ATP11B: variants seen among roughly 807,000 people sequenced by gnomAD.
ATP11B encodes the protein phospholipid-transporting ATPase IF.
In ATP11B, 81 loss-of-function variants were observed where a neutral mutation model predicts 157.8. The ratio of observed to expected loss-of-function variants is 0.51; its 90% CI spans 0.43 to 0.62. The LOEUF is 0.62. Among genes scored for constraint, ATP11B ranks in the 20% least tolerant of loss-of-function variants. The probability of loss-of-function intolerance (pLI) is 0.00; values close to 1 mark genes in which losing one functional copy is unlikely to be tolerated. For synonymous variants in ATP11B, 451 were observed against 469.4 expected (o/e 0.96, Z 0.51); for missense variants, 1,165 against 1,402.2 (o/e 0.83, Z 2.70).
chr3:182,794,671 G>C (rs1405632892), intron 1 of ATP11B, among the ~76,000 whole-genome samples: 3 of 152,182 alleles, frequency 2.0e-5, no homozygotes, highest in Non-Finnish European at 4.4e-5. Flanking sequence ...TTAATTCAGA[G>C]AGAAAAATCT....
chr3:182,919,561 A>G lies in ATP11B; in HGVS notation c.*1457A>G, dbSNP rs1158802473. The G allele has an allele frequency of 1.3e-5, 2 of 152,408 alleles. No homozygotes were observed. The highest frequency in any genetic ancestry group is 6.5e-5 in the Admixed American group (1 of 15,278). 9.4% of individuals were successfully genotyped at this position (152,408 alleles called of 1,614,324 possible). ...CTCTAAGCAAATAATGATTGTATACATATTAAGATAATGGTTAAATGCGGT... is the reference window on the plus strand; with the variant it reads ...CTCTAAGCAAATAATGATTGTATACGTATTAAGATAATGGTTAAATGCGGT... On this transcript the variant is annotated 3_prime_UTR_variant, in exon 30 of 30. Transcript: ENST00000323116.
chr3:182,854,372 A>G (rs1720212589), intron 10 of ATP11B, among the ~76,000 whole-genome samples: 1 of 152,154 alleles, frequency 6.6e-6, no homozygotes, highest in Non-Finnish European at 1.5e-5. Context: ...TGGGAGGCTG[A>G]GGCAGGAGAA....
rs775305358 is a variant in ATP11B, at chr3:182,872,537, GGTAA to G, written c.2048+4_2048+7del. 4.4e-6 allele frequency: 7 copies of G among 1,592,300 alleles called. No homozygotes were observed. In the Admixed American group the frequency reaches 7.4e-5, roughly 17 times the overall value. ...CTTGGAGCCACAGCAGTAGAAGACA[GGTAA>G]GTATCAGATAATTAAAAAATATTAC... On this transcript the variant is annotated splice_donor_variant and splice_donor_region_variant and intron_variant, in intron 18 of 29. Transcript: ENST00000323116. LOFTEE classifies it high-confidence loss of function.
intron 8 of ATP11B, among the ~76,000 whole-genome samples, chr3:182,845,006 A>AT (rs375605298): frequency 7.9e-6 from 1 of 125,842 alleles, no homozygotes; most frequent in Non-Finnish European, 1.6e-5. Context: ...TTTTTTTTTT[A>AT]TTTTTTTTTA....
intron 12 of ATP11B, among the ~76,000 whole-genome samples, chr3:182,862,279 T>TAA (rs1157886585): frequency 4.4e-5 from 6 of 136,556 alleles, no homozygotes; most frequent in African/African-American, 8.1e-5. Context: ...AAACCCTGTC[T>TAA]AAAAAAAAAA....
At chr3:182,878,532 A>G (rs1203701779) in intron 19 of ATP11B, among the ~76,000 whole-genome samples, 1 of 152,254 alleles carries the variant, frequency 6.6e-6, no homozygotes, top group Non-Finnish European at 1.5e-5. Flanking sequence ...GTTTAATAAA[A>G]TAGTGTGCTT....
At chr3:182,853,088 G>A (rs1456905289) in intron 10 of ATP11B, among the ~76,000 whole-genome samples, 2 of 152,164 alleles carry the variant, frequency 1.3e-5, no homozygotes, top group Non-Finnish European at 2.9e-5. Context: ...TAGAAAGCAC[G>A]AAGTAAAATT....
chr3:182,869,242 T>G lies in ATP11B; in HGVS notation c.1777T>G (p.Phe593Val). The change falls in exon 17 of 30, where the codon TTT (phenylalanine) becomes GTT (valine). Residue 593 changes from phenylalanine to valine, a missense_variant. By Grantham distance (50) the Phe-to-Val change is conservative. This residue lies in a region of ATP11B where 737 missense variants were observed against 930.5 expected (regional missense o/e 0.79). Transcript: ENST00000323116. ...VQAPSGEKLL[F>V]AKGAESSILP... ...TTTGTCTCTAGGTGAGAAGTTATTA[T>G]TTGCTAAAGGAGCTGAGTCATCAAT... is the stretch of plus-strand genomic sequence containing the variant. 6.2e-7 allele frequency: 1 copy of G among 1,609,206 alleles called. No individual in the cohort carries two copies. The highest frequency in any genetic ancestry group is 1.7e-5 in the Admixed American group (1 of 59,592).
chr3:182,832,994 C>A (rs564262358), intron 4 of ATP11B, among the ~76,000 whole-genome samples: 2 of 151,732 alleles, frequency 1.3e-5, no homozygotes, highest in Non-Finnish European at 2.9e-5. Context: ...GGTCATATTT[C>A]AAATCAGTAG....
At chr3:182,864,542 TTTA>T (rs1721085295) in intron 12 of ATP11B, among the ~76,000 whole-genome samples, 1 of 152,168 alleles carries the variant, frequency 6.6e-6, no homozygotes, top group Non-Finnish European at 1.5e-5. Flanking sequence ...CAGGTACCAT[TTTA>T]TTAATATGAT....
rs572669485 is a variant in ATP11B at position 182,883,200 on chromosome 3, G to A, written c.2510-1553G>A. Among the ~76,000 whole-genome samples, 23 of 151,950 alleles carry A rather than the reference G, an allele frequency of 1.5e-4. No homozygotes were observed. The East Asian group carries it at 4.1e-3, about 27-fold the overall frequency. On this transcript the variant is annotated intron_variant, in intron 21 of 29. Transcript: ENST00000323116. Reference sequence around the variant, plus strand: ...ATGTTGATAAAGATGTACATTACAAGTATACATTTGAAGCAGTGTCCATAA... The same window carrying A: ...ATGTTGATAAAGATGTACATTACAAATATACATTTGAAGCAGTGTCCATAA...
intron 22 of ATP11B, 38 bp from the exon 23 acceptor site, chr3:182,885,913 A>C (rs1722766904): frequency 7.2e-7 from 1 of 1,381,448 alleles, no homozygotes; most frequent in East Asian, 2.7e-5. Context: ...TTGAAACCTA[A>C]ATATTTTAAT....
intron 19 of ATP11B, among the ~76,000 whole-genome samples, chr3:182,874,821 G>A (rs1236027187): frequency 1.3e-5 from 2 of 152,018 alleles, no homozygotes; most frequent in Non-Finnish European, 2.9e-5. Flanking sequence ...TATACTCAAT[G>A]ATTACTACAT....
At chr3:182,799,319 C>T (rs1457970391) in intron 1 of ATP11B, among the ~76,000 whole-genome samples, 2 of 151,496 alleles carry the variant, frequency 1.3e-5, no homozygotes, top group Non-Finnish European at 2.9e-5. Context: ...CGCTCTTTCG[C>T]CCAGGCGGAG....
At chr3:182,807,041 TAA>T (rs34585140) in intron 1 of ATP11B, among the ~76,000 whole-genome samples, 26 of 150,074 alleles carry the variant, frequency 1.7e-4, no homozygotes, top group South Asian at 2.1e-4. Context: ...AGTATTAATT[TAA>T]AAAAAAAAAA....
At chr3:182,895,153 C>G (rs202168817) in intron 25 of ATP11B, among the ~76,000 whole-genome samples, 1 of 149,254 alleles carries the variant, frequency 6.7e-6, no homozygotes, top group South Asian at 2.1e-4. Flanking sequence ...TATCTGTGTC[C>G]ATACCCATGA....
chr3:182,915,505 C>G (rs1386867324), intron 29 of ATP11B: 2 of 984,136 alleles, frequency 2.0e-6, no homozygotes, highest in African/African-American at 1.7e-5. Flanking sequence ...CTTCATTGCA[C>G]AGAATCAAGA....
intron 25 of ATP11B, among the ~76,000 whole-genome samples, chr3:182,892,203 G>A (rs530615591): frequency 4.1e-4 from 62 of 152,174 alleles, no homozygotes; most frequent in African/African-American, 1.4e-3. Flanking sequence ...CTTTCCCCAA[G>A]ATTCCCTCAC....
chr3:182,808,604 A>G (rs766696161), intron 1 of ATP11B, among the ~76,000 whole-genome samples: 27 of 152,130 alleles, frequency 1.8e-4, no homozygotes, highest in Admixed American at 5.9e-4. Flanking sequence ...ATGATGTTTC[A>G]TGTAGATTGA....
Sources: gnomAD v4.1 joint callset for allele counts (sites outside exome capture counted in the v4.1 genomes callset) on GRCh38, gnomAD v4.1.1 for gene constraint, gnomAD v4.1.1 regional missense constraint, MANE v1.5 for transcripts, NCBI Gene and HGNC (gene_info 2026-07-23, HGNC 2026-07-21) for gene names.